PLEK: variants seen among roughly 807,000 people sequenced by gnomAD.
PLEK encodes the protein pleckstrin, also known as platelet 47 kDa protein.
PLEK carries 25 observed loss-of-function variants against 43.9 expected under a neutral mutation model. The ratio of observed to expected loss-of-function variants is 0.57; its 90% CI spans 0.41 to 0.79. The LOEUF (loss-of-function observed/expected upper bound fraction) is 0.79. Ranked by LOEUF, PLEK falls within the 30% of genes least tolerant of loss-of-function variation. PLEK has a pLI of 0.00. For synonymous variants in PLEK, 152 were observed against 144.4 expected, an observed-to-expected ratio of 1.05 and a Z score of -0.38; for missense variants, 396 against 413.3, an observed-to-expected ratio of 0.96 and a Z score of 0.36.
In PLEK at chr2:68,394,696, A is replaced by G. The variant is rs75548988; in HGVS notation, c.916+520A>G. 6.9e-3 allele frequency among the ~76,000 whole-genome samples: 1,051 copies of G among 152,260 alleles called. 8 individuals are homozygous for G. Among genetic ancestry groups the G allele is most frequent in the African/African-American group, 0.024 (1,009 of 41,546 alleles). The stretch of plus-strand genomic sequence containing the variant: ...TGAGCAATGCTGGGAAAACTCTATC[A>G]CTTCACAATGGCTGAGAAGAAGAGC... On this transcript the variant is annotated intron_variant, in intron 8 of 8. Coordinates refer to ENST00000234313, the MANE Select transcript of PLEK (RefSeq NM_002664.3).
chr2:68,381,470 G>A (rs182660948), intron 3 of PLEK, among the ~76,000 whole-genome samples: 1 of 152,276 alleles, frequency 6.6e-6, no homozygotes, highest in African/African-American at 2.4e-5. Context: ...CAGAGGTTGG[G>A]AATGGGATTT....
intron 6 of PLEK, among the ~76,000 whole-genome samples, chr2:68,391,740 G>T (rs1364181915): frequency 1.3e-5 from 2 of 152,206 alleles, no homozygotes; most frequent in African/African-American, 4.8e-5. Flanking sequence ...TGGAAAATTT[G>T]TATACATGCT....
intron 1 of PLEK, 97 bp downstream of exon 1, chr2:68,365,490 C>G: frequency 1.0e-6 from 1 of 983,662 alleles, no homozygotes; most frequent in East Asian, 2.4e-5. Flanking sequence ...AGGAATGTTT[C>G]CTGTTCAACC....
At chr2:68,389,114 A>G (rs1374439523) in intron 6 of PLEK, among the ~76,000 whole-genome samples, 2 of 152,244 alleles carry the variant, frequency 1.3e-5, no homozygotes, top group African/African-American at 2.4e-5. Context: ...GAGAGTGCTG[A>G]GGAGCTCTAG....
At chr2:68,368,039 G>A (rs1673317055) in intron 1 of PLEK, among the ~76,000 whole-genome samples, 1 of 152,108 alleles carries the variant, frequency 6.6e-6, no homozygotes, top group African/African-American at 2.4e-5. Flanking sequence ...AGAAATCTTG[G>A]GGTCAATAGT....
At chr2:68,385,585 C>G (rs1673723204) in intron 4 of PLEK, among the ~76,000 whole-genome samples, 1 of 150,838 alleles carries the variant, frequency 6.6e-6, no homozygotes. Context: ...TTTCCTTTTG[C>G]CTTCTTTCCA....
intron 7 of PLEK, 45 bp from the exon 8 acceptor site, chr2:68,394,062 A>T: frequency 8.0e-7 from 1 of 1,252,196 alleles, no homozygotes; most frequent in Non-Finnish European, 1.2e-6. Context: ...GTCTATCTAT[A>T]CTCTGCATTT....
chr2:68,376,603 A>T (rs1439459711), intron 1 of PLEK, among the ~76,000 whole-genome samples: 1 of 151,866 alleles, frequency 6.6e-6, no homozygotes, highest in Non-Finnish European at 1.5e-5. Context: ...ATGTGATCTT[A>T]TTTTTAATTT....
At position 68,394,093 on chromosome 2, in the gene PLEK, C is replaced by T. The variant is rs1558502024; in HGVS notation, c.847-14C>T. ...CATTTTGGAAACATAATGAACAACT[C>T]CTTTCTTCTTTAGGCAGAAGATCCC... On this transcript the variant is annotated splice_polypyrimidine_tract_variant and intron_variant, in intron 7 of 8. Coordinates refer to ENST00000234313, the MANE Select transcript of PLEK (RefSeq NM_002664.3). The T allele has an allele frequency of 1.3e-6, 2 of 1,582,848 alleles. No homozygotes were observed. The highest frequency in any genetic ancestry group is 1.1e-5 in the South Asian group (1 of 90,462).
intron 5 of PLEK, chr2:68,388,115 G>C: frequency 2.8e-6 from 1 of 352,654 alleles, no homozygotes; most frequent in South Asian, 7.9e-5. Context: ...GCTAAAGTTA[G>C]GATACAGCTT....
chr2:68,371,383 C>T (rs187437373), intron 1 of PLEK, among the ~76,000 whole-genome samples: 22 of 152,298 alleles, frequency 1.4e-4, no homozygotes, highest in African/African-American at 5.3e-4. Flanking sequence ...ATGATACCAT[C>T]TTGGTGTTCT....
intron 6 of PLEK, among the ~76,000 whole-genome samples, chr2:68,391,450 A>C (rs752833070): frequency 2.0e-5 from 3 of 152,266 alleles, no homozygotes; most frequent in Non-Finnish European, 4.4e-5. Flanking sequence ...GCAGCAATGT[A>C]TACTTTTGGA....
At chr2:68,390,973 A>G (rs1228168178) in intron 6 of PLEK, among the ~76,000 whole-genome samples, 1 of 152,324 alleles carries the variant, frequency 6.6e-6, no homozygotes, top group African/African-American at 2.4e-5. Context: ...TCCTTGAGGG[A>G]GAGGAACAAT....
chr2:68,372,715 A>G (rs1673434769), intron 1 of PLEK, among the ~76,000 whole-genome samples: 1 of 152,184 alleles, frequency 6.6e-6, no homozygotes, highest in African/African-American at 2.4e-5. Flanking sequence ...ACACAGACAC[A>G]CATACACACA....
intron 1 of PLEK, among the ~76,000 whole-genome samples, chr2:68,365,891 A>G (rs1352735819): frequency 6.6e-6 from 1 of 152,006 alleles, no homozygotes; most frequent in East Asian, 1.9e-4. Flanking sequence ...TGACACGTTT[A>G]AAAAAAACCT....
In PLEK at chr2:68,380,296, G is replaced by C. The variant is rs752600543; in HGVS notation, c.43-32G>C. ...GAAAATACAGTTTGCAAAGAGCCCT[G>C]TCCATCTCAGCTCTTTTGGTTGTCA... is the stretch of plus-strand genomic sequence containing the variant. On this transcript the variant is annotated intron_variant, in intron 1 of 8. Transcript: ENST00000234313. 5 of 1,581,226 alleles carry C rather than the reference G, an allele frequency of 3.2e-6. No homozygotes were observed. The Admixed American group carries it at 8.7e-5, about 28-fold the overall frequency.
At chr2:68,378,862 G>A (rs1673556102) in intron 1 of PLEK, among the ~76,000 whole-genome samples, 1 of 152,170 alleles carries the variant, frequency 6.6e-6, no homozygotes, top group African/African-American at 2.4e-5. Context: ...GGGCGCGATG[G>A]CTCACACCTG....
chr2:68,389,560 G>T (rs1673818680), intron 6 of PLEK, among the ~76,000 whole-genome samples: 1 of 152,218 alleles, frequency 6.6e-6, no homozygotes, highest in Non-Finnish European at 1.5e-5. Context: ...TGGGATAGCT[G>T]AAAGGAGGTA....
chr2:68,384,007 A>T (rs949059582), intron 4 of PLEK, among the ~76,000 whole-genome samples: 1 of 152,152 alleles, frequency 6.6e-6, no homozygotes, highest in Non-Finnish European at 1.5e-5. Context: ...TCCCAACTCT[A>T]TCAGGACCGA....
Sources: allele counts gnomAD v4.1 joint callset (sites outside exome capture counted in the v4.1 genomes callset), GRCh38; gene constraint gnomAD v4.1.1; transcripts MANE v1.5; gene names NCBI Gene and HGNC (gene_info 2026-07-23, HGNC 2026-07-21).